KLHL29: variants seen among roughly 807,000 people sequenced by gnomAD.
KLHL29 encodes kelch-like protein 29.
KLHL29 carries 21 observed loss-of-function variants against 80.4 expected under a neutral mutation model. The observed-to-expected ratio is 0.26, with a 90% CI of 0.19 to 0.38. The LOEUF (loss-of-function observed/expected upper bound fraction) is 0.38, where lower values mean the gene tolerates loss of function less well. KLHL29 is among the 10% of genes least tolerant of loss of function. The pLI is 1.00. For missense variants in KLHL29, 867 were observed against 1,223.9 expected (o/e 0.71, Z 4.35); for synonymous variants, 511 against 526.8 (o/e 0.97, Z 0.41).
chr2:23,589,918 A>G (rs978628445), intron 3 of KLHL29, among the ~76,000 whole-genome samples: 3 of 152,232 alleles, frequency 2.0e-5, no homozygotes, highest in Admixed American at 6.5e-5. Context: ...ACAACTGTCA[A>G]CGTCTATTCT....
intron 1 of KLHL29, among the ~76,000 whole-genome samples, chr2:23,417,469 G>A (rs1011898196): frequency 2.6e-5 from 4 of 152,144 alleles, no homozygotes; most frequent in East Asian, 1.9e-4. Flanking sequence ...TACATACGTC[G>A]AACCTCGAGC....
intron 3 of KLHL29, among the ~76,000 whole-genome samples, chr2:23,592,252 T>TG (rs11390204): frequency 1 from 152,334 of 152,334 alleles, 76,167 homozygotes; most frequent in Non-Finnish European, 1. Flanking sequence ...GCCATCAGGC[T>TG]GGTGACCCCG....
At chr2:23,683,797 C>T (rs1420135866) in intron 5 of KLHL29, among the ~76,000 whole-genome samples, 3 of 152,080 alleles carry the variant, frequency 2.0e-5, no homozygotes, top group Non-Finnish European at 2.9e-5. Context: ...CTTGCTTTCC[C>T]GAAAAGTCCC....
chr2:23,554,468 C>T (rs537490084), intron 2 of KLHL29, among the ~76,000 whole-genome samples: 26 of 152,282 alleles, frequency 1.7e-4, no homozygotes, highest in African/African-American at 5.3e-4. Context: ...ATCATGCCTT[C>T]GGGGCCCTCA....
At chr2:23,679,349 G>A (rs1671011768) in intron 5 of KLHL29, among the ~76,000 whole-genome samples, 2 of 152,216 alleles carry the variant, frequency 1.3e-5, no homozygotes, top group African/African-American at 2.4e-5. Context: ...GGGACAGCTC[G>A]TTTCTGCTCC....
chr2:23,437,079 C>T (rs1222907511), intron 1 of KLHL29, among the ~76,000 whole-genome samples: 1 of 152,202 alleles, frequency 6.6e-6, no homozygotes, highest in Non-Finnish European at 1.5e-5. Flanking sequence ...TAGGGTTTAG[C>T]TGGGCCACCG....
chr2:23,403,757 G>A (rs1265062005), intron 1 of KLHL29, among the ~76,000 whole-genome samples: 1 of 151,770 alleles, frequency 6.6e-6, no homozygotes, highest in African/African-American at 2.4e-5. Context: ...GTGTGTGTGT[G>A]TGTGTGTGCA....
At chr2:23,651,883 G>A (rs1429318321) in intron 5 of KLHL29, among the ~76,000 whole-genome samples, 1 of 152,122 alleles carries the variant, frequency 6.6e-6, no homozygotes, top group Admixed American at 6.5e-5. Flanking sequence ...CTTCTTAGAA[G>A]GACAGCAGTC....
At chr2:23,704,583 A>G (rs556531972) in intron 13 of KLHL29, among the ~76,000 whole-genome samples, 25 of 152,310 alleles carry the variant, frequency 1.6e-4, no homozygotes, top group Admixed American at 5.9e-4. Flanking sequence ...CTTGGCCAAC[A>G]TGGTAAAACC....
intron 2 of KLHL29, among the ~76,000 whole-genome samples, chr2:23,509,887 G>A (rs890683392): frequency 6.6e-6 from 1 of 152,128 alleles, no homozygotes; most frequent in Non-Finnish European, 1.5e-5. Context: ...GACGGACCTG[G>A]CAATGAACTC....
chr2:23,570,725 G>C (rs769797111), intron 3 of KLHL29, among the ~76,000 whole-genome samples: 3 of 152,248 alleles, frequency 2.0e-5, no homozygotes, highest in Admixed American at 6.5e-5. Flanking sequence ...GTCTAAGACA[G>C]TCGGCTAGGG....
intron 1 of KLHL29, among the ~76,000 whole-genome samples, chr2:23,387,095 C>T (rs906961568): frequency 6.6e-6 from 1 of 152,180 alleles, no homozygotes; most frequent in African/African-American, 2.4e-5. Flanking sequence ...CCCTCCCTCC[C>T]GTGCTTGCGC....
chr2:23,401,549 G>C (rs1377495775), intron 1 of KLHL29, among the ~76,000 whole-genome samples: 3 of 152,232 alleles, frequency 2.0e-5, no homozygotes, highest in African/African-American at 7.2e-5. Flanking sequence ...CAGAGCCTCA[G>C]TTTAGAGGCT....
chr2:23,615,470 G>A (rs1455489301), intron 3 of KLHL29, among the ~76,000 whole-genome samples: 7 of 152,146 alleles, frequency 4.6e-5, no homozygotes, highest in Admixed American at 3.9e-4. Flanking sequence ...GTGTGTCTCT[G>A]CTGCAGGGAG....
intron 3 of KLHL29, among the ~76,000 whole-genome samples, chr2:23,628,986 G>A (rs951057903): frequency 1.3e-5 from 2 of 152,162 alleles, no homozygotes; most frequent in African/African-American, 2.4e-5. Context: ...CCACCTCCCC[G>A]CCCACTCTGG....
At chr2:23,554,043 A>G (rs1050439000) in intron 2 of KLHL29, among the ~76,000 whole-genome samples, 1 of 152,134 alleles carries the variant, frequency 6.6e-6, no homozygotes, top group Non-Finnish European at 1.5e-5. Flanking sequence ...AAGACTTCTG[A>G]GCTAATGGGG....
At chr2:23,591,008 C>T (rs952075297) in intron 3 of KLHL29, among the ~76,000 whole-genome samples, 2 of 152,102 alleles carry the variant, frequency 1.3e-5, no homozygotes, top group African/African-American at 2.4e-5. Context: ...CCAACGACCC[C>T]CCTGAGAAAT....
intron 1 of KLHL29, among the ~76,000 whole-genome samples, chr2:23,393,639 C>A (rs1336454004): frequency 6.6e-6 from 1 of 152,152 alleles, no homozygotes; most frequent in Non-Finnish European, 1.5e-5. Context: ...TATTTTTATT[C>A]TTTATATTAG....
intron 2 of KLHL29, among the ~76,000 whole-genome samples, chr2:23,522,151 CT>C (rs112951208): frequency 1.4e-4 from 21 of 149,380 alleles, no homozygotes; most frequent in South Asian, 4.3e-4. Context: ...TATTCTAAGG[CT>C]TTTTTTTTTC....
Sources: gnomAD v4.1 joint callset for allele counts (sites outside exome capture counted in the v4.1 genomes callset) on GRCh38, gnomAD v4.1.1 for gene constraint, MANE v1.5 for transcripts, NCBI Gene and HGNC (gene_info 2026-07-23, HGNC 2026-07-21) for gene names.